NTM: variants seen among roughly 807,000 people sequenced by gnomAD.
NTM encodes IgLON family member 2.
Under a neutral mutation model 42.1 loss-of-function variants are expected in NTM, and 13 were observed. The ratio of observed to expected loss-of-function variants is 0.31; its 90% confidence interval spans 0.20 to 0.49. The LOEUF (loss-of-function observed/expected upper bound fraction) is 0.49, where lower values mean the gene tolerates loss of function less well. Among genes scored for constraint, NTM ranks in the 20% least tolerant of loss-of-function variants. NTM has a pLI of 0.99. For synonymous variants in NTM, 187 were observed against 179.2 expected, an observed-to-expected ratio of 1.04 and a Z score of -0.35; for missense variants, 373 against 452.8, an observed-to-expected ratio of 0.82 and a Z score of 1.60.
intron 2 of NTM, among the ~76,000 whole-genome samples, chr11:132,106,937 G>A (rs1197661514): frequency 1.3e-5 from 2 of 151,394 alleles, no homozygotes; most frequent in East Asian, 3.9e-4. Flanking sequence ...GATTATTTTA[G>A]TGATTATTTT....
chr11:131,834,634 A>ATATATATG (rs1265931346), intron 1 of NTM, among the ~76,000 whole-genome samples: 2 of 146,786 alleles, frequency 1.4e-5, no homozygotes, highest in East Asian at 2.0e-4. Flanking sequence ...ACATATATAT[A>ATATATATG]TATATATATA....
chr11:132,205,596 G>A (rs1046120466), intron 3 of NTM, among the ~76,000 whole-genome samples: 7 of 152,024 alleles, frequency 4.6e-5, no homozygotes, highest in South Asian at 4.2e-4. Context: ...CCACTCCTTG[G>A]TCTTTCGGTT....
intron 1 of NTM, among the ~76,000 whole-genome samples, chr11:131,709,721 T>A (rs2076929398): frequency 6.6e-6 from 1 of 152,134 alleles, no homozygotes; most frequent in South Asian, 2.1e-4. Flanking sequence ...TTGAGAGTTA[T>A]CAGTATATAA....
chr11:131,498,075 C>T (rs1195528484), intron 1 of NTM, among the ~76,000 whole-genome samples: 3 of 152,320 alleles, frequency 2.0e-5, no homozygotes, highest in East Asian at 3.9e-4. Flanking sequence ...GTTTCTCCAT[C>T]GCTCCATCTG....
At chr11:131,928,645 C>T (rs1312424612) in intron 2 of NTM, among the ~76,000 whole-genome samples, 3 of 122,044 alleles carry the variant, frequency 2.5e-5, no homozygotes, top group African/African-American at 8.8e-5. Context: ...CCACTGCAAA[C>T]TCTGTTTGTT....
intron 8 of NTM, among the ~76,000 whole-genome samples, chr11:132,331,343 T>TTG (rs1349235301): frequency 6.6e-6 from 1 of 152,206 alleles, no homozygotes; most frequent in Non-Finnish European, 1.5e-5. Context: ...TGACATGGCT[T>TTG]TGCTTCTATG....
chr11:131,683,643 C>T (rs560835684), intron 1 of NTM, among the ~76,000 whole-genome samples: 100 of 152,292 alleles, frequency 6.6e-4, no homozygotes, highest in Middle Eastern at 3.4e-3. Context: ...AGGGCTGGAA[C>T]GTGAATAAAA....
intron 1 of NTM, among the ~76,000 whole-genome samples, chr11:131,724,258 C>T (rs1285559194): frequency 6.6e-6 from 1 of 152,132 alleles, no homozygotes; most frequent in Non-Finnish European, 1.5e-5. Context: ...CTGGAGGCTT[C>T]TCTCTTTGTC....
At chr11:132,265,760 A>G (rs1240010648) in intron 4 of NTM, among the ~76,000 whole-genome samples, 5 of 152,112 alleles carry the variant, frequency 3.3e-5, no homozygotes, top group African/African-American at 1.2e-4. Context: ...CATTTTTTTT[A>G]TGTATTAACT....
chr11:132,324,779 G>T (rs911059410), intron 7 of NTM, among the ~76,000 whole-genome samples: 3 of 148,318 alleles, frequency 2.0e-5, no homozygotes, highest in African/African-American at 7.5e-5. Context: ...ATACTACAAG[G>T]CTACAGTAAC....
chr11:132,128,238 G>GT (rs5795754), intron 2 of NTM, among the ~76,000 whole-genome samples: 92 of 149,562 alleles, frequency 6.2e-4, no homozygotes, highest in East Asian at 1.2e-3. Context: ...CTGTGAGTGT[G>GT]TTTTTTTTTT....
intron 1 of NTM, among the ~76,000 whole-genome samples, chr11:131,574,076 A>G (rs896334150): frequency 5.3e-5 from 8 of 152,146 alleles, no homozygotes; most frequent in African/African-American, 1.9e-4. Context: ...TCGGCTGTGC[A>G]GGTGTGGGAG....
intron 1 of NTM, among the ~76,000 whole-genome samples, chr11:131,840,110 A>C (rs1474729057): frequency 6.6e-6 from 1 of 152,164 alleles, no homozygotes; most frequent in Non-Finnish European, 1.5e-5. Context: ...AGTTGAGAGT[A>C]GGCGATTGCA....
At chr11:131,561,696 A>G (rs1464073410) in intron 1 of NTM, among the ~76,000 whole-genome samples, 1 of 113,236 alleles carries the variant, frequency 8.8e-6, no homozygotes, top group Non-Finnish European at 1.7e-5. Context: ...TATCCCAGAT[A>G]CTCTGTTATT....
intron 1 of NTM, chr11:131,795,090 C>A: frequency 1.7e-6 from 1 of 586,706 alleles, no homozygotes; most frequent in Non-Finnish European, 2.1e-6. Flanking sequence ...AAACTGTTCA[C>A]ATCTTGTTTA....
intron 1 of NTM, among the ~76,000 whole-genome samples, chr11:131,509,262 G>C (rs1333804600): frequency 6.6e-6 from 1 of 152,084 alleles, no homozygotes; most frequent in Non-Finnish European, 1.5e-5. Flanking sequence ...ATGGGCTAGA[G>C]GTTTCCCCAA....
intron 4 of NTM, among the ~76,000 whole-genome samples, chr11:132,224,530 C>T (rs1415162072): frequency 6.6e-6 from 1 of 152,114 alleles, no homozygotes; most frequent in Non-Finnish European, 1.5e-5. Context: ...CCCACATGTT[C>T]CCAGTGGAAG....
intron 3 of NTM, among the ~76,000 whole-genome samples, chr11:132,191,080 G>T (rs2079244785): frequency 6.6e-6 from 1 of 152,126 alleles, no homozygotes; most frequent in Non-Finnish European, 1.5e-5. Flanking sequence ...TTTACCAGAG[G>T]GGAAAAAACA....
chr11:131,747,151 G>T (rs977056342), intron 1 of NTM, among the ~76,000 whole-genome samples: 2 of 152,144 alleles, frequency 1.3e-5, no homozygotes, highest in Non-Finnish European at 2.9e-5. Context: ...GGAAACTAAG[G>T]CACAGATGGA....
Sources: gnomAD v4.1 joint callset for allele counts (sites outside exome capture counted in the v4.1 genomes callset) on GRCh38, gnomAD v4.1.1 for gene constraint, MANE v1.5 for transcripts, NCBI Gene and HGNC (gene_info 2026-07-23, HGNC 2026-07-21) for gene names.